Variants in GSK3B observed in about 807,000 individuals in gnomAD.
GSK3B encodes the protein glycogen synthase kinase-3 beta.
In GSK3B, 15 loss-of-function variants were observed where a neutral mutation model predicts 56.4. The observed-to-expected ratio is 0.27, with a 90% CI of 0.18 to 0.41. The LOEUF (loss-of-function observed/expected upper bound fraction) is 0.41, where lower values mean the gene tolerates loss of function less well. GSK3B is among the 10% of genes least tolerant of loss of function. The pLI is 1.00. For synonymous variants in GSK3B, 181 were observed against 188.9 expected (o/e 0.96, Z 0.34); for missense variants, 300 against 513.4 (o/e 0.58, Z 4.02).
At chr3:119,891,045 C>T (rs2056495608) in intron 7 of GSK3B, among the ~76,000 whole-genome samples, 1 of 151,874 alleles carries the variant, frequency 6.6e-6, no homozygotes, top group African/African-American at 2.4e-5. Flanking sequence ...GTACGTAAAT[C>T]AACAACAATC....
intron 2 of GSK3B, among the ~76,000 whole-genome samples, chr3:119,995,999 A>C (rs2107473668): frequency 6.6e-6 from 1 of 152,312 alleles, no homozygotes; most frequent in East Asian, 1.9e-4. Context: ...CAGCCTCCTG[A>C]AGTGCTGGGA....
intron 2 of GSK3B, among the ~76,000 whole-genome samples, chr3:119,978,358 C>T (rs752197185): frequency 5.3e-5 from 8 of 152,174 alleles, no homozygotes; most frequent in Non-Finnish European, 8.8e-5. Flanking sequence ...TAAGCCCCCT[C>T]GCCCTAAAAC....
intron 10 of GSK3B, among the ~76,000 whole-genome samples, chr3:119,830,388 C>A (rs2055580374): frequency 6.6e-6 from 1 of 152,232 alleles, no homozygotes; most frequent in Admixed American, 6.5e-5. Context: ...AATTAATGAG[C>A]TTTCTATTAA....
At chr3:119,850,613 C>T (rs1006464929) in intron 9 of GSK3B, among the ~76,000 whole-genome samples, 1 of 152,176 alleles carries the variant, frequency 6.6e-6, no homozygotes, top group African/African-American at 2.4e-5. Context: ...CTACCTACTT[C>T]TAATCACTTT....
At chr3:119,888,590 A>T (rs1410962768) in intron 7 of GSK3B, among the ~76,000 whole-genome samples, 2 of 152,122 alleles carry the variant, frequency 1.3e-5, no homozygotes, top group African/African-American at 2.4e-5. Context: ...CGTGTGTTTG[A>T]ACAATATGAA....
intron 1 of GSK3B, among the ~76,000 whole-genome samples, chr3:120,083,166 A>G (rs1432391144): frequency 1.3e-5 from 2 of 152,272 alleles, no homozygotes; most frequent in South Asian, 4.1e-4. Context: ...ACAATGAACA[A>G]CTTTTCCAGG....
chr3:119,944,581 G>A (rs1424121196), intron 3 of GSK3B, among the ~76,000 whole-genome samples: 1 of 151,988 alleles, frequency 6.6e-6, no homozygotes, highest in East Asian at 1.9e-4. Context: ...CACTGTCCTG[G>A]CCTCAAACAG....
chr3:119,885,287 TAAA>T (rs2056423543), intron 7 of GSK3B, among the ~76,000 whole-genome samples: 1 of 151,212 alleles, frequency 6.6e-6, no homozygotes, highest in Non-Finnish European at 1.5e-5. Context: ...TAAAATAAAA[TAAA>T]ATACCTAGGA....
At chr3:119,922,071 A>T (rs140305855) in intron 4 of GSK3B, among the ~76,000 whole-genome samples, 3,919 of 152,044 alleles carry the variant, frequency 0.026, 173 homozygotes, top group African/African-American at 0.088. Flanking sequence ...CAGAGGGTGG[A>T]GGTTGCAGTG....
intron 2 of GSK3B, among the ~76,000 whole-genome samples, chr3:119,995,713 C>T (rs150784499): frequency 7.0e-4 from 105 of 150,314 alleles, no homozygotes; most frequent in African/African-American, 2.2e-3. Context: ...CATGAGCCAC[C>T]GCACCCGGCC....
chr3:120,020,565 G>A (rs2057867980), intron 1 of GSK3B, among the ~76,000 whole-genome samples: 1 of 152,094 alleles, frequency 6.6e-6, no homozygotes, highest in African/African-American at 2.4e-5. Flanking sequence ...TTAATATTGT[G>A]TATGCCCTGA....
rs950282927 is a variant in GSK3B, at chr3:120,043,697, T to C, written c.89-41458A>G. Among the ~76,000 whole-genome samples the C allele has an allele frequency of 3.3e-5, 5 of 152,170 alleles. No individual in the cohort carries two copies. In the East Asian group the frequency reaches 5.8e-4, roughly 18 times the overall value. ...TTACCAAAGGAACCACCCCCTCTAA[T>C]TGTCCATCTCACCATTGTAACCCAG... On this transcript the variant is annotated intron_variant, in intron 1 of 10. Coordinates refer to ENST00000264235, the MANE Select transcript of GSK3B (RefSeq NM_001146156.2).
intron 1 of GSK3B, among the ~76,000 whole-genome samples, chr3:120,089,604 A>ATTTTTATATGAGGAAACATATAT (rs2058494028): frequency 6.6e-6 from 1 of 152,222 alleles, no homozygotes; most frequent in South Asian, 2.1e-4. Context: ...GATCTAAAAA[A>ATTTTTATATGAGGAAACATATAT]GTTTTATATG....
intron 7 of GSK3B, among the ~76,000 whole-genome samples, chr3:119,890,193 T>C (rs2056486478): frequency 6.6e-6 from 1 of 152,062 alleles, no homozygotes; most frequent in African/African-American, 2.4e-5. Flanking sequence ...CAAACATTCA[T>C]AGGAGCTTTA....
At chr3:119,985,649 GAATAACTACAAAC>G (rs2057508837) in intron 2 of GSK3B, among the ~76,000 whole-genome samples, 1 of 152,078 alleles carries the variant, frequency 6.6e-6, no homozygotes, top group Admixed American at 6.5e-5. Flanking sequence ...ACCTCTTCAA[GAATAACTACAAAC>G]CACTGCTCAA....
intron 1 of GSK3B, among the ~76,000 whole-genome samples, chr3:120,011,952 C>T (rs896628941): frequency 5.3e-5 from 8 of 152,266 alleles, no homozygotes; most frequent in South Asian, 2.1e-4. Flanking sequence ...CCCACTACCA[C>T]TAACTTCATA....
intron 1 of GSK3B, among the ~76,000 whole-genome samples, chr3:120,057,011 G>A (rs2058196748): frequency 6.6e-6 from 1 of 152,128 alleles, no homozygotes; most frequent in Non-Finnish European, 1.5e-5. Flanking sequence ...AATGCGTGGT[G>A]GCTCATGCCT....
chr3:120,021,424 G>C (rs1287455015), intron 1 of GSK3B, among the ~76,000 whole-genome samples: 1 of 151,894 alleles, frequency 6.6e-6, no homozygotes, highest in Non-Finnish European at 1.5e-5. Flanking sequence ...GCTGAGGCAG[G>C]AGAATCACTT....
At chr3:119,952,386 G>A (rs2057165862) in intron 2 of GSK3B, among the ~76,000 whole-genome samples, 1 of 151,762 alleles carries the variant, frequency 6.6e-6, no homozygotes, top group Non-Finnish European at 1.5e-5. Context: ...GACTCGGGAG[G>A]CGGAGGCAGG....
Sources: gnomAD v4.1 joint callset for allele counts (sites outside exome capture counted in the v4.1 genomes callset) on GRCh38, gnomAD v4.1.1 for gene constraint, MANE v1.5 for transcripts, NCBI Gene and HGNC (gene_info 2026-07-23, HGNC 2026-07-21) for gene names.